ADGRV1: variants seen among roughly 807,000 people sequenced by gnomAD.
The protein encoded by ADGRV1 is adhesion G protein-coupled receptor V1.
A neutral mutation model predicts 596.2 loss-of-function variants in ADGRV1; 359 were observed. The observed-to-expected ratio is 0.60, with a 90% CI of 0.55 to 0.66. ADGRV1 has a LOEUF of 0.66. Among genes scored for constraint, ADGRV1 ranks in the 30% least tolerant of loss-of-function variants. The probability of loss-of-function intolerance (pLI) is 0.00; values close to 1 mark genes in which losing one functional copy is unlikely to be tolerated. For synonymous variants in ADGRV1, 2,681 were observed against 2,679.2 expected (o/e 1.00, Z -0.02); for missense variants, 7,274 against 7,575.6 (o/e 0.96, Z 1.48).
intron 50 of ADGRV1, among the ~76,000 whole-genome samples, chr5:90,743,854 C>T (rs1754287568): frequency 6.6e-6 from 1 of 151,848 alleles, no homozygotes; most frequent in Non-Finnish European, 1.5e-5. Context: ...ATTTTTTCTC[C>T]CAGTTTTATT....
At chr5:90,796,957 G>A (rs578046207) in intron 70 of ADGRV1, among the ~76,000 whole-genome samples, 16 of 152,136 alleles carry the variant, frequency 1.1e-4, no homozygotes, top group African/African-American at 3.9e-4. Flanking sequence ...TGCCTTATAA[G>A]AGCTCCTGAA....
chr5:90,689,489 G>T (rs1293509660), intron 29 of ADGRV1, among the ~76,000 whole-genome samples: 2 of 151,934 alleles, frequency 1.3e-5, no homozygotes, highest in East Asian at 3.9e-4. Context: ...CTTTCCAGTG[G>T]CATTACAATT....
chr5:90,621,032 C>T (rs566879775), intron 4 of ADGRV1, among the ~76,000 whole-genome samples: 2 of 152,216 alleles, frequency 1.3e-5, no homozygotes, highest in African/African-American at 4.8e-5. Context: ...ATCCTGTGAT[C>T]AGAGAGTTTT....
At chr5:91,119,490 A>G (rs1562243421) in intron 87 of ADGRV1, among the ~76,000 whole-genome samples, 1 of 152,016 alleles carries the variant, frequency 6.6e-6, no homozygotes, top group Non-Finnish European at 1.5e-5. Flanking sequence ...CTTATCGCCT[A>G]CCCCCATGGT....
chr5:90,923,007 C>G (rs1050554168), intron 83 of ADGRV1, among the ~76,000 whole-genome samples: 1 of 149,082 alleles, frequency 6.7e-6, no homozygotes, highest in Non-Finnish European at 1.5e-5. Flanking sequence ...TGTATTTTGT[C>G]TTATCTAATG....
At chr5:91,000,439 T>G (rs1441711967) in intron 85 of ADGRV1, among the ~76,000 whole-genome samples, 1 of 152,174 alleles carries the variant, frequency 6.6e-6, no homozygotes, top group African/African-American at 2.4e-5. Context: ...GGATATAAGA[T>G]TTTTAGAAAT....
chr5:90,641,567 A>G (rs1335765594), intron 11 of ADGRV1, among the ~76,000 whole-genome samples: 1 of 152,204 alleles, frequency 6.6e-6, no homozygotes, highest in Non-Finnish European at 1.5e-5. Context: ...ACAATATAAA[A>G]TAACTCTCCT....
At chr5:90,679,264 A>G (rs1744632834) in intron 25 of ADGRV1, among the ~76,000 whole-genome samples, 1 of 134,158 alleles carries the variant, frequency 7.5e-6, no homozygotes, top group African/African-American at 2.5e-5. Flanking sequence ...GTTGGTGTAA[A>G]AAAATGAAAA....
chr5:90,976,541 G>A (rs1355869311), intron 84 of ADGRV1, among the ~76,000 whole-genome samples: 11 of 151,562 alleles, frequency 7.3e-5, no homozygotes, highest in Non-Finnish European at 1.6e-4. Flanking sequence ...CTGAATATTT[G>A]TTTACTTGAG....
chr5:91,115,026 C>T (rs556916164), intron 87 of ADGRV1, among the ~76,000 whole-genome samples: 37 of 152,246 alleles, frequency 2.4e-4, no homozygotes, highest in South Asian at 4.1e-4. Flanking sequence ...GAAAAAACAA[C>T]GCTGAATATA....
chr5:90,642,704 A>G lies in ADGRV1; in HGVS notation c.2309A>G (p.Asp770Gly), dbSNP rs1211687866. 10 of 1,613,630 alleles carry G rather than the reference A, an allele frequency of 6.2e-6. No individual in the cohort carries two copies. The East Asian group carries it at 2.2e-4, about 36-fold the overall frequency. Residue 770 changes from aspartate to glycine, a missense_variant, in exon 12 of 90, where the codon GAT becomes GGT. Asp to Gly is a moderately conservative substitution (Grantham distance 94). Around this residue, in one of 5 missense-constraint regions of ADGRV1, gnomAD observed 1,715 missense variants for 1,708.8 expected, o/e 1.00. Coordinates refer to ENST00000405460, the MANE Select transcript of ADGRV1 (RefSeq NM_032119.4). ...CGTGACCTAATTATTTTGGAAAATG[A>G]TGACCCTGGGGGAGTTTTTGAATTT... Reference protein sequence around the residue: ...TSRDLIILENDDPGGVFEFSP... With the variant: ...TSRDLIILENGDPGGVFEFSP...
chr5:90,575,934 C>T (rs926863435), intron 1 of ADGRV1, among the ~76,000 whole-genome samples: 1 of 152,068 alleles, frequency 6.6e-6, no homozygotes, highest in African/African-American at 2.4e-5. Flanking sequence ...AGTAAGGCCT[C>T]CCCTCACTGG....
chr5:90,564,881 C>A (rs1191525955), intron 1 of ADGRV1, among the ~76,000 whole-genome samples: 1 of 26,426 alleles, frequency 3.8e-5, no homozygotes, highest in Non-Finnish European at 7.4e-5. Flanking sequence ...CCGCCTCGGC[C>A]TCCCAAAGTG....
At chr5:91,009,027 C>T (rs967609192) in intron 85 of ADGRV1, among the ~76,000 whole-genome samples, 1 of 152,134 alleles carries the variant, frequency 6.6e-6, no homozygotes, top group Non-Finnish European at 1.5e-5. Flanking sequence ...TAAATTGATA[C>T]TGATGTTATC....
intron 67 of ADGRV1, among the ~76,000 whole-genome samples, chr5:90,787,751 C>T (rs942901328): frequency 1.4e-4 from 21 of 151,726 alleles, no homozygotes; most frequent in Admixed American, 7.2e-4. Flanking sequence ...CCACCACGCC[C>T]GGCTAATTTT....
chr5:90,963,570 T>G (rs948154361), intron 83 of ADGRV1, among the ~76,000 whole-genome samples: 4 of 152,004 alleles, frequency 2.6e-5, no homozygotes, highest in African/African-American at 7.2e-5. Context: ...TGCGTTCTTT[T>G]TAATAGTGTG....
At chr5:91,040,764 G>A (rs1785274154) in intron 85 of ADGRV1, among the ~76,000 whole-genome samples, 1 of 152,056 alleles carries the variant, frequency 6.6e-6, no homozygotes, top group African/African-American at 2.4e-5. Context: ...TATCAACTAA[G>A]CATTCATTTG....
At chr5:90,600,490 T>C (rs1246948111) in intron 1 of ADGRV1, among the ~76,000 whole-genome samples, 1 of 152,244 alleles carries the variant, frequency 6.6e-6, no homozygotes, top group Non-Finnish European at 1.5e-5. Flanking sequence ...GAACTCATCA[T>C]TTTTTATGGC....
chr5:91,035,792 TAAC>T (rs1211422410), intron 85 of ADGRV1, among the ~76,000 whole-genome samples: 19 of 145,348 alleles, frequency 1.3e-4, no homozygotes, highest in East Asian at 6.0e-4. Context: ...ATAATAATAA[TAAC>T]AATAATAATC....
Sources: allele counts gnomAD v4.1 joint callset (sites outside exome capture counted in the v4.1 genomes callset), GRCh38; gene constraint gnomAD v4.1.1; regional missense constraint gnomAD v4.1.1; transcripts MANE v1.5; gene names NCBI Gene and HGNC (gene_info 2026-07-23, HGNC 2026-07-21).